Variants in S100Z observed in about 807,000 individuals in gnomAD.
S100Z encodes the protein protein S100-Z.
A neutral mutation model predicts 8.5 loss-of-function variants in S100Z; 11 were observed. That is an observed-to-expected ratio of 1.30 (90% CI 0.82 to 2.15). The LOEUF (loss-of-function observed/expected upper bound fraction) is 2.15, where lower values mean the gene tolerates loss of function less well. S100Z is among the 30% of genes most tolerant of loss of function. The pLI, the probability that S100Z is intolerant of heterozygous loss-of-function variation, is 0.00. For missense variants in S100Z, 126 were observed against 117.9 expected, an observed-to-expected ratio of 1.07 and a Z score of -0.32; for synonymous variants, 34 against 43.8, an observed-to-expected ratio of 0.78 and a Z score of 0.89.
chr5:76,892,534 G>A (rs1018824676), intron 4 of S100Z, among the ~76,000 whole-genome samples: 5 of 151,116 alleles, frequency 3.3e-5, no homozygotes, highest in Admixed American at 3.3e-4. Context: ...AAGATTGGGG[G>A]CATGCATAAC....
At chr5:76,924,541 A>G (rs1354905689), downstream of S100Z, among the ~76,000 whole-genome samples, 1 of 152,204 alleles carries the variant, frequency 6.6e-6, no homozygotes, top group Non-Finnish European at 1.5e-5. Flanking sequence ...GGTCTGGATT[A>G]GAGGAATAAG....
chr5:76,907,403 A>T (rs1744494341), intron 4 of S100Z, among the ~76,000 whole-genome samples: 1 of 152,012 alleles, frequency 6.6e-6, no homozygotes, highest in African/African-American at 2.4e-5. Flanking sequence ...TCCCTGGTTC[A>T]CGCCATTCTC....
At chr5:76,880,792 C>A (rs1289066595) in intron 4 of S100Z, among the ~76,000 whole-genome samples, 1 of 151,976 alleles carries the variant, frequency 6.6e-6, no homozygotes, top group Non-Finnish European at 1.5e-5. Flanking sequence ...ATATACCAGG[C>A]CAGATTGATT....
At chr5:76,866,175 C>T (rs1397184683) in intron 1 of S100Z, among the ~76,000 whole-genome samples, 1 of 151,882 alleles carries the variant, frequency 6.6e-6, no homozygotes, top group Non-Finnish European at 1.5e-5. Context: ...ACCTCCACCT[C>T]CCAGCCTCAA....
the S100Z span, among the ~76,000 whole-genome samples, chr5:76,951,451 G>GGTAA: frequency 6.6e-6 from 1 of 152,228 alleles, no homozygotes; most frequent in South Asian, 2.1e-4. Flanking sequence ...GGTAAAGGCA[G>GGTAA]AGGTCTCCAA....
chr5:76,864,514 A>C (rs1751197736), intron 1 of S100Z, among the ~76,000 whole-genome samples: 1 of 139,090 alleles, frequency 7.2e-6, no homozygotes, highest in Non-Finnish European at 1.5e-5. Flanking sequence ...CAATCCTAAC[A>C]CCTCAGCCTC....
chr5:76,915,485 G>A (rs1744825931), intron 4 of S100Z, among the ~76,000 whole-genome samples: 1 of 151,540 alleles, frequency 6.6e-6, no homozygotes, highest in African/African-American at 2.4e-5. Flanking sequence ...GTGAGCGTCT[G>A]TAGTCCTGGC....
chr5:76,854,273 G>A (rs536749127), intron 1 of S100Z, among the ~76,000 whole-genome samples: 1 of 152,324 alleles, frequency 6.6e-6, no homozygotes, highest in Admixed American at 6.5e-5. Flanking sequence ...GCACAGGTTG[G>A]AAGAGTCTGG....
the S100Z span, among the ~76,000 whole-genome samples, chr5:76,951,634 G>A: frequency 6.6e-6 from 1 of 152,150 alleles, no homozygotes; most frequent in African/African-American, 2.4e-5. Flanking sequence ...CAGCAAGTTG[G>A]GGTTAAGTTG....
At chr5:76,916,470 C>A (rs1247225890) in intron 4 of S100Z, among the ~76,000 whole-genome samples, 1 of 150,496 alleles carries the variant, frequency 6.6e-6, no homozygotes, top group African/African-American at 2.4e-5. Flanking sequence ...CACTCAACAA[C>A]AGGCCACACA....
chr5:76,854,395 A>G (rs1750819272), intron 1 of S100Z, among the ~76,000 whole-genome samples: 1 of 152,198 alleles, frequency 6.6e-6, no homozygotes, highest in Admixed American at 6.5e-5. Context: ...GGCCAGGCGG[A>G]GATGAGGAAC....
At chr5:76,891,072 G>A (rs1443817948) in intron 4 of S100Z, among the ~76,000 whole-genome samples, 1 of 152,108 alleles carries the variant, frequency 6.6e-6, no homozygotes, top group Non-Finnish European at 1.5e-5. Flanking sequence ...ATGTTGGCAA[G>A]GCTAGTCTTG....
At chr5:76,864,692 C>G (rs1488078483) in intron 1 of S100Z, among the ~76,000 whole-genome samples, 1 of 151,946 alleles carries the variant, frequency 6.6e-6, no homozygotes, top group Non-Finnish European at 1.5e-5. Flanking sequence ...GCGTGAGCCA[C>G]TGGCCTGGCC....
chr5:76,934,767 G>C, the S100Z span, among the ~76,000 whole-genome samples: 1 of 152,138 alleles, frequency 6.6e-6, no homozygotes, highest in African/African-American at 2.4e-5. Context: ...CTTGATCTTG[G>C]ACTTCCCAGA....
chr5:76,940,949 TTTGTC>T, the S100Z span, among the ~76,000 whole-genome samples: 1 of 151,890 alleles, frequency 6.6e-6, no homozygotes, highest in African/African-American at 2.4e-5. Flanking sequence ...TCTGTTGGAA[TTTGTC>T]TGTTTTACTC....
intron 1 of S100Z, among the ~76,000 whole-genome samples, chr5:76,859,323 A>T (rs1010416801): frequency 6.6e-6 from 1 of 152,182 alleles, no homozygotes; most frequent in African/African-American, 2.4e-5. Flanking sequence ...ACCACCACAC[A>T]ACTATGTCTG....
intron 4 of S100Z, among the ~76,000 whole-genome samples, chr5:76,887,189 A>G (rs180836366): frequency 2.1e-5 from 3 of 143,382 alleles, no homozygotes; most frequent in Admixed American, 7.1e-5. Context: ...CTCTGCCTCC[A>G]TGGTTCAAGC....
intron 1 of S100Z, among the ~76,000 whole-genome samples, chr5:76,858,522 CAAA>C (rs33932900): frequency 3.8e-5 from 5 of 131,574 alleles, no homozygotes; most frequent in African/African-American, 1.0e-4. Context: ...GACCCTGTCT[CAAA>C]AAAAAAAAAA....
Position 76,883,352 on chromosome 5 carries a change from G to A in S100Z, c.*2+5518G>A, listed in dbSNP as rs557403931. 2.0e-4 allele frequency among the ~76,000 whole-genome samples: 31 copies of A among 152,296 alleles called. No homozygotes were observed. The South Asian group carries it at 6.4e-3, about 32-fold the overall frequency. ...GGGAAGCAGATAATTTAGTTAAAATGTCTCGACCTAATAAGAGAGCTGGGC... is the reference window on the plus strand; with the variant it reads ...GGGAAGCAGATAATTTAGTTAAAATATCTCGACCTAATAAGAGAGCTGGGC... On this transcript the variant is annotated intron_variant, in intron 4 of 4. Coordinates refer to ENST00000317593, the MANE Select transcript of S100Z (RefSeq NM_130772.4).
Sources: allele counts gnomAD v4.1 joint callset (sites outside exome capture counted in the v4.1 genomes callset), GRCh38; gene constraint gnomAD v4.1.1; transcripts MANE v1.5; gene names NCBI Gene and HGNC (gene_info 2026-07-23, HGNC 2026-07-21).